The following SHISA6 variants were observed in gnomAD, a reference collection of about 807,000 sequenced individuals.
SHISA6 encodes shisa family member 6.
In SHISA6, 22 loss-of-function variants were observed where a neutral mutation model predicts 47.9. The ratio of observed to expected loss-of-function variants is 0.46; its 90% CI spans 0.33 to 0.66. SHISA6 has a LOEUF of 0.66. Among genes scored for constraint, SHISA6 ranks in the 30% least tolerant of loss-of-function variants. The probability of loss-of-function intolerance (pLI) is 0.02; values close to 1 mark genes in which losing one functional copy is unlikely to be tolerated. For missense variants in SHISA6, 680 were observed against 764.6 expected (o/e 0.89, Z 1.30); for synonymous variants, 388 against 337.8 (o/e 1.15, Z -1.63).
chr17:11,425,754 C>T (rs1482226587), intron 3 of SHISA6, among the ~76,000 whole-genome samples: 2 of 152,144 alleles, frequency 1.3e-5, no homozygotes, highest in African/African-American at 4.8e-5. Context: ...GCTTTCTTCG[C>T]GGACATCATG....
chr17:11,389,055 A>G (rs1913302228), intron 3 of SHISA6, among the ~76,000 whole-genome samples: 1 of 151,902 alleles, frequency 6.6e-6, no homozygotes, highest in Non-Finnish European at 1.5e-5. Context: ...CTGGATTCAC[A>G]GCAATTAAGC....
intron 3 of SHISA6, among the ~76,000 whole-genome samples, chr17:11,430,879 A>T (rs906132421): frequency 2.0e-5 from 3 of 152,202 alleles, no homozygotes; most frequent in Non-Finnish European, 4.4e-5. Context: ...GTTCTGACAC[A>T]CATAGCACAG....
chr17:11,512,476 G>A (rs896387570), intron 3 of SHISA6, among the ~76,000 whole-genome samples: 1 of 152,034 alleles, frequency 6.6e-6, no homozygotes, highest in African/African-American at 2.4e-5. Flanking sequence ...GTAACTGTAT[G>A]TTTACACCTC....
intron 2 of SHISA6, among the ~76,000 whole-genome samples, chr17:11,297,152 A>G (rs556379183): frequency 6.6e-6 from 1 of 152,280 alleles, no homozygotes; most frequent in South Asian, 2.1e-4. Context: ...CGTACCTCTT[A>G]TAGATGGAAG....
At chr17:11,503,447 G>A (rs2071472475) in intron 3 of SHISA6, among the ~76,000 whole-genome samples, 1 of 152,212 alleles carries the variant, frequency 6.6e-6, no homozygotes, top group Non-Finnish European at 1.5e-5. Context: ...CCCAGCCACA[G>A]AGAAGCACTT....
At chr17:11,519,527 A>G (rs1406911761) in intron 3 of SHISA6, among the ~76,000 whole-genome samples, 1 of 152,192 alleles carries the variant, frequency 6.6e-6, no homozygotes, top group Non-Finnish European at 1.5e-5. Context: ...TTGGGGACAG[A>G]GTTTCAGCTA....
At chr17:11,271,067 C>G (rs558599688) in intron 2 of SHISA6, among the ~76,000 whole-genome samples, 1 of 152,004 alleles carries the variant, frequency 6.6e-6, no homozygotes, top group East Asian at 1.9e-4. Flanking sequence ...GACAACTGTT[C>G]TTTGCAAAGC....
chr17:11,292,487 T>C (rs1032591053), intron 2 of SHISA6, among the ~76,000 whole-genome samples: 13 of 152,066 alleles, frequency 8.5e-5, no homozygotes, highest in Non-Finnish European at 1.5e-5. Flanking sequence ...ATATACGAAT[T>C]TGGGGGAGCA....
At chr17:11,431,281 G>A (rs1914764945) in intron 3 of SHISA6, among the ~76,000 whole-genome samples, 1 of 152,128 alleles carries the variant, frequency 6.6e-6, no homozygotes, top group African/African-American at 2.4e-5. Flanking sequence ...AGTCCCCTTG[G>A]TAGACAGCTG....
intron 2 of SHISA6, among the ~76,000 whole-genome samples, chr17:11,335,616 G>A (rs1911291099): frequency 6.6e-6 from 1 of 152,124 alleles, no homozygotes; most frequent in South Asian, 2.1e-4. Context: ...CCCATGAAAA[G>A]GGCTCTTGTG....
At chr17:11,553,720 T>C (rs1018462786) in intron 4 of SHISA6, among the ~76,000 whole-genome samples, 1 of 152,066 alleles carries the variant, frequency 6.6e-6, no homozygotes, top group African/African-American at 2.4e-5. Flanking sequence ...TCAAAAAAAA[T>C]TGGAAAGCAA....
chr17:11,319,839 G>A (rs1170196352), intron 2 of SHISA6, among the ~76,000 whole-genome samples: 1 of 152,176 alleles, frequency 6.6e-6, no homozygotes, highest in African/African-American at 2.4e-5. Context: ...TTATCAGTTC[G>A]GTTAAGTAAG....
intron 2 of SHISA6, among the ~76,000 whole-genome samples, chr17:11,377,752 C>T (rs1283644919): frequency 6.6e-6 from 1 of 152,126 alleles, no homozygotes; most frequent in Non-Finnish European, 1.5e-5. Context: ...GTTGTTCCTC[C>T]ATTTACACTA....
At chr17:11,331,680 A>G (rs181861718) in intron 2 of SHISA6, among the ~76,000 whole-genome samples, 1 of 151,292 alleles carries the variant, frequency 6.6e-6, no homozygotes, top group East Asian at 1.9e-4. Flanking sequence ...AGCTTTCCCT[A>G]TTTCTTCTCT....
In SHISA6 at chr17:11,276,799, C is replaced by A. The variant is rs568291840; in HGVS notation, c.799+13273C>A. On this transcript the variant is annotated intron_variant, in intron 2 of 5. Coordinates refer to ENST00000441885, the MANE Select transcript of SHISA6 (RefSeq NM_207386.4). ...TCATCATTTTTGAACCATGTGAGAA[C>A]AAGTTGCCAATATTATGACTCTTCA... Among the ~76,000 whole-genome samples, 17 of 152,268 alleles carry A rather than the reference C, an allele frequency of 1.1e-4. No homozygotes were observed. In the South Asian group the frequency reaches 2.9e-3, roughly 26 times the overall value.
At chr17:11,409,899 G>T (rs1362204607) in intron 3 of SHISA6, among the ~76,000 whole-genome samples, 1 of 152,080 alleles carries the variant, frequency 6.6e-6, no homozygotes, top group Non-Finnish European at 1.5e-5. Flanking sequence ...CTAACATGTT[G>T]CTTCTGATAC....
At chr17:11,539,857 C>T (rs1480875227) in intron 3 of SHISA6, among the ~76,000 whole-genome samples, 1 of 152,136 alleles carries the variant, frequency 6.6e-6, no homozygotes, top group Non-Finnish European at 1.5e-5. Context: ...AAGCCCAGGA[C>T]TCATGAAGAG....
chr17:11,413,711 G>A (rs1269434111), intron 3 of SHISA6, among the ~76,000 whole-genome samples: 3 of 152,182 alleles, frequency 2.0e-5, no homozygotes, highest in Admixed American at 6.5e-5. Flanking sequence ...AAGCCCAAGT[G>A]TTCCAGCCGT....
intron 3 of SHISA6, among the ~76,000 whole-genome samples, chr17:11,459,405 T>C (rs1019578064): frequency 2.6e-5 from 4 of 152,258 alleles, no homozygotes; most frequent in Middle Eastern, 3.4e-3. Flanking sequence ...TAAGGAGTTA[T>C]TCACATGCAT....
Sources: allele counts gnomAD v4.1 joint callset (sites outside exome capture counted in the v4.1 genomes callset), GRCh38; gene constraint gnomAD v4.1.1; transcripts MANE v1.5; gene names NCBI Gene and HGNC (gene_info 2026-07-23, HGNC 2026-07-21).